Variants in IMMP2L observed in about 807,000 individuals in gnomAD.
IMMP2L encodes inner mitochondrial membrane peptidase subunit 2, also known as mitochondrial inner membrane protease subunit 2.
IMMP2L carries 18 observed loss-of-function variants against 19.3 expected under a neutral mutation model. The ratio of observed to expected loss-of-function variants is 0.93; its 90% CI spans 0.64 to 1.38. The LOEUF is 1.38. Among genes scored for constraint, IMMP2L ranks in the 40% most tolerant of loss-of-function variants. The pLI is 0.00. For missense variants in IMMP2L, 233 were observed against 218.2 expected, an observed-to-expected ratio of 1.07 and a Z score of -0.43; for synonymous variants, 76 against 73.0, an observed-to-expected ratio of 1.04 and a Z score of -0.21.
chr7:111,186,120 A>G (rs540021247), intron 3 of IMMP2L, among the ~76,000 whole-genome samples: 2 of 152,322 alleles, frequency 1.3e-5, no homozygotes, highest in South Asian at 2.1e-4. Context: ...TAAATAACAT[A>G]TATTTTATTT....
intron 3 of IMMP2L, among the ~76,000 whole-genome samples, chr7:111,196,523 G>A (rs765679401): frequency 2.1e-4 from 32 of 152,104 alleles, no homozygotes; most frequent in Non-Finnish European, 4.4e-4. Context: ...GACACTAAGA[G>A]TCTCCTATAC....
At chr7:111,126,324 A>G (rs1029654059) in intron 3 of IMMP2L, among the ~76,000 whole-genome samples, 2 of 152,190 alleles carry the variant, frequency 1.3e-5, no homozygotes, top group African/African-American at 4.8e-5. Flanking sequence ...AAATTACACC[A>G]TAAAACATAT....
intron 3 of IMMP2L, among the ~76,000 whole-genome samples, chr7:111,203,870 C>T (rs547726193): frequency 1.8e-4 from 27 of 152,120 alleles, no homozygotes; most frequent in Non-Finnish European, 3.4e-4. Context: ...CTCTTGGAAA[C>T]AATTTCCATG....
At chr7:110,931,072 T>A (rs1815425973) in intron 4 of IMMP2L, among the ~76,000 whole-genome samples, 1 of 152,144 alleles carries the variant, frequency 6.6e-6, no homozygotes, top group South Asian at 2.1e-4. Context: ...ATAATGGCCC[T>A]GACAATGACT....
intron 3 of IMMP2L, among the ~76,000 whole-genome samples, chr7:111,302,046 C>T (rs1584520952): frequency 1.3e-5 from 2 of 151,296 alleles, no homozygotes; most frequent in Admixed American, 1.3e-4. Flanking sequence ...CCTCTCAGGT[C>T]ACACCTCACA....
chr7:110,843,482 G>T (rs1446995805), intron 5 of IMMP2L, among the ~76,000 whole-genome samples: 2 of 152,046 alleles, frequency 1.3e-5, no homozygotes, highest in Admixed American at 6.6e-5. Flanking sequence ...GACAGGAAGA[G>T]AAAAATATCC....
rs192126581 is a variant in IMMP2L, at chr7:110,703,959, C to T, written c.409-40238G>A. Among the ~76,000 whole-genome samples, 427 of 151,922 alleles carry T rather than the reference C, an allele frequency of 2.8e-3. 1 individual carries two copies. The highest frequency in any genetic ancestry group is 4.5e-3 in the Non-Finnish European group (307 of 67,998). On this transcript the variant is annotated intron_variant, in intron 5 of 5. Transcript: ENST00000405709. ...CTCCCGGGTTCATGCCATTCTTCTGCCTCAGCCTCCCGAGTAGCTGGGACT... is the reference window on the plus strand; with the variant it reads ...CTCCCGGGTTCATGCCATTCTTCTGTCTCAGCCTCCCGAGTAGCTGGGACT...
intron 1 of IMMP2L, among the ~76,000 whole-genome samples, chr7:111,560,747 A>T (rs1371100812): frequency 6.6e-6 from 1 of 152,236 alleles, no homozygotes; most frequent in Non-Finnish European, 1.5e-5. Flanking sequence ...CTTTTATCAA[A>T]GTGCTGATAA....
chr7:110,777,964 T>A (rs1799502864), intron 5 of IMMP2L, among the ~76,000 whole-genome samples: 1 of 151,984 alleles, frequency 6.6e-6, no homozygotes. Context: ...TGGACAGCAG[T>A]GAATTCCTTT....
At chr7:111,077,228 G>A (rs1392547527) in intron 3 of IMMP2L, among the ~76,000 whole-genome samples, 1 of 152,182 alleles carries the variant, frequency 6.6e-6, no homozygotes, top group African/African-American at 2.4e-5. Flanking sequence ...TAAATGACTA[G>A]GGCTGATGAG....
intron 3 of IMMP2L, among the ~76,000 whole-genome samples, chr7:111,451,672 C>G (rs1839202555): frequency 6.7e-6 from 1 of 148,528 alleles, no homozygotes; most frequent in Non-Finnish European, 1.5e-5. Context: ...TGTAACTAAC[C>G]TGCACAATGT....
chr7:111,376,763 A>G (rs1830712232), intron 3 of IMMP2L, among the ~76,000 whole-genome samples: 1 of 152,104 alleles, frequency 6.6e-6, no homozygotes, highest in East Asian at 1.9e-4. Context: ...TGAACCTTGA[A>G]GACATCATGC....
chr7:111,547,507 C>CG (rs1849036659), intron 1 of IMMP2L, among the ~76,000 whole-genome samples: 2 of 1,784 alleles, frequency 1.1e-3, no homozygotes, highest in African/African-American at 1.7e-3. Context: ...ACTGTCATAC[C>CG]CCCCCCCCCT....
intron 3 of IMMP2L, among the ~76,000 whole-genome samples, chr7:111,403,778 T>C (rs917433689): frequency 6.6e-6 from 1 of 152,104 alleles, no homozygotes; most frequent in Admixed American, 6.6e-5. Flanking sequence ...GAAGTGAGGA[T>C]CCCTTTCTGT....
At chr7:110,695,302 C>A (rs539250627) in intron 5 of IMMP2L, among the ~76,000 whole-genome samples, 34 of 152,186 alleles carry the variant, frequency 2.2e-4, no homozygotes, top group Admixed American at 5.2e-4. Flanking sequence ...AGCTGTCCCC[C>A]CGCCTTAGCC....
At chr7:110,939,844 A>G (rs1301070606) in intron 4 of IMMP2L, among the ~76,000 whole-genome samples, 8 of 152,194 alleles carry the variant, frequency 5.3e-5, no homozygotes, top group Admixed American at 2.0e-4. Flanking sequence ...AGACTGTTGA[A>G]GTTCTGACAC....
At position 110,838,418 on chromosome 7, in the gene IMMP2L, G is replaced by A. The variant is rs140576443; in HGVS notation, c.408+48175C>T. ...TTGCTATGGTTTGAATGTGTTCCCC[G>A]AATTTCATGTGTTAGAAACTTAATC... On this transcript the variant is annotated intron_variant, in intron 5 of 5. Coordinates refer to ENST00000405709, the MANE Select transcript of IMMP2L (RefSeq NM_032549.4). 4.3e-3 allele frequency among the ~76,000 whole-genome samples: 658 copies of A among 152,136 alleles called. 1 individual carries two copies. The highest frequency in any genetic ancestry group is 9.4e-3 in the Admixed American group (143 of 15,250).
At chr7:111,237,737 A>C (rs1814505195) in intron 3 of IMMP2L, among the ~76,000 whole-genome samples, 2 of 151,996 alleles carry the variant, frequency 1.3e-5, no homozygotes, top group Admixed American at 1.3e-4. Flanking sequence ...CGGAGGGTTC[A>C]ATTAGTCCAA....
chr7:110,956,017 T>G (rs1585432111), intron 4 of IMMP2L, among the ~76,000 whole-genome samples: 1 of 152,104 alleles, frequency 6.6e-6, no homozygotes, highest in East Asian at 1.9e-4. Flanking sequence ...CTATAAAGAT[T>G]CATCGTTTGC....
Sources: allele counts gnomAD v4.1 joint callset (sites outside exome capture counted in the v4.1 genomes callset), GRCh38; gene constraint gnomAD v4.1.1; transcripts MANE v1.5; gene names NCBI Gene and HGNC (gene_info 2026-07-23, HGNC 2026-07-21).